The following ZNF287 variants were observed in gnomAD, a reference collection of about 807,000 sequenced individuals.
The protein encoded by ZNF287 is zinc finger protein 287.
A neutral mutation model predicts 73.7 loss-of-function variants in ZNF287; 31 were observed. The ratio of observed to expected loss-of-function variants is 0.42; its 90% CI spans 0.32 to 0.57. The LOEUF is 0.57. ZNF287 is among the 20% of genes least tolerant of loss of function. The pLI is 0.13. For missense variants in ZNF287, 641 were observed against 909.3 expected (o/e 0.70, Z 3.79); for synonymous variants, 301 against 307.2 (o/e 0.98, Z 0.21).
rs1906397193 is a variant in ZNF287 at position 16,548,227 on chromosome 17, G to GA, written c.*3628dup. ...TCAGTCCACAGATTAATTGCAATAG[G>GA]AAAAACTACCTTTATATTGGGAAGA... On this transcript the variant is annotated 3_prime_UTR_variant, in exon 6 of 6. Coordinates refer to ENST00000395825, the MANE Select transcript of ZNF287 (RefSeq NM_020653.4). Among the ~76,000 whole-genome samples the GA allele has an allele frequency of 6.6e-6, 1 of 152,122 alleles. No individual in the cohort carries two copies. Among genetic ancestry groups the GA allele is most frequent in the African/African-American group, 2.4e-5 (1 of 41,418 alleles).
intron 5 of ZNF287, among the ~76,000 whole-genome samples, chr17:16,556,050 G>A (rs1907039570): frequency 6.6e-6 from 1 of 151,832 alleles, no homozygotes; most frequent in African/African-American, 2.4e-5. Flanking sequence ...GGTAGGTCTA[G>A]TTTAAGGACT....
chr17:16,553,049 C>T lies in ZNF287; in HGVS notation c.1093G>A (p.Glu365Lys). 6.2e-7 allele frequency: 1 copy of T among 1,614,182 alleles called. No homozygotes were observed. The highest frequency in any genetic ancestry group is 8.5e-7 in the Non-Finnish European group (1 of 1,180,010). The change falls in exon 6 of 6, where the codon GAG becomes AAG. Residue 365 changes from glutamate (E) to lysine (K), a missense_variant. Around this residue, in one of 2 missense-constraint regions of ZNF287, gnomAD observed 357 missense variants for 442.4 expected, o/e 0.81. Coordinates refer to ENST00000395825, the MANE Select transcript of ZNF287 (RefSeq NM_020653.4). ...GIVHRKILPG[E>K]KPYKCNVCGK... ...CACACATTACACTTGTAAGGCTTCT[C>T]TCCAGGAAGTATTTTCCTATGTACA...
intron 5 of ZNF287, among the ~76,000 whole-genome samples, chr17:16,555,350 G>C (rs1906976673): frequency 6.6e-6 from 1 of 152,052 alleles, no homozygotes; most frequent in African/African-American, 2.4e-5. Flanking sequence ...CATACATGCA[G>C]TTTGTTGTTG....
chr17:16,568,084 G>A (rs372437847), intron 1 of ZNF287, 155 bp from the exon 2 acceptor site: 8 of 657,394 alleles, frequency 1.2e-5, no homozygotes, highest in African/African-American at 7.8e-5. Context: ...TAAGGGAACT[G>A]CCATCTGCTT....
chr17:16,565,460 A>G (rs1269510067), intron 3 of ZNF287, among the ~76,000 whole-genome samples: 2 of 151,474 alleles, frequency 1.3e-5, no homozygotes, highest in Non-Finnish European at 2.9e-5. Context: ...ATATATATGT[A>G]AGTGATTGAT....
chr17:16,563,772 C>T lies in ZNF287; in HGVS notation c.555G>A (p.Glu185=), dbSNP rs566642159. The change falls in exon 4 of 6, where the codon GAG becomes GAA. Residue 185 remains glutamate (E), a synonymous_variant. Transcript: ENST00000395825. ...ATTCCTTCTGCACAGGACGCATTAA[C>T]TCCCAGTCCTCCTGGGTGATGTCTA... is the stretch of plus-strand genomic sequence containing the variant. ...VAVDITQEDW[E]LMRPVQKELY... The T allele has an allele frequency of 8.7e-6, 14 of 1,614,036 alleles. No homozygotes were observed. The African/African-American group carries it at 1.1e-4, about 12-fold the overall frequency.
At chr17:16,565,457 TGTAA>T (rs1428634508) in intron 3 of ZNF287, among the ~76,000 whole-genome samples, 2 of 151,656 alleles carry the variant, frequency 1.3e-5, no homozygotes, top group Non-Finnish European at 2.9e-5. Context: ...AGTATATATA[TGTAA>T]GTGATTGATT....
intron 3 of ZNF287, 77 bp downstream of exon 3, chr17:16,566,448 A>T: frequency 1.7e-6 from 2 of 1,182,784 alleles, no homozygotes; most frequent in Non-Finnish European, 2.4e-6. Flanking sequence ...GGGGCACAGT[A>T]GTTATAGGGC....
In ZNF287 at chr17:16,552,933, T is replaced by C. The variant is rs751104829; in HGVS notation, c.1209A>G (p.Lys403=). The part of the protein sequence containing the change: ...EKSYECEECG[K]EFRHISSLIA... ...TAAGGGATGAGATATGCCTAAACTCTTTCCCACATTCTTCACATTCATACG... is the reference window on the plus strand; with the variant it reads ...TAAGGGATGAGATATGCCTAAACTCCTTCCCACATTCTTCACATTCATACG... Residue 403 remains lysine, a synonymous_variant, in exon 6 of 6, where the codon AAA becomes AAG. Coordinates refer to ENST00000395825, the MANE Select transcript of ZNF287 (RefSeq NM_020653.4). This position sits in a 1 kb window ranked among gnomAD's most constrained non-coding sequence, Gnocchi z 6.5. 1 of 1,614,080 alleles carries C rather than the reference T, an allele frequency of 6.2e-7. No individual in the cohort carries two copies. The highest frequency in any genetic ancestry group is 1.3e-5 in the African/African-American group (1 of 74,940).
chr17:16,549,463 CA>C lies in ZNF287; in HGVS notation c.*2392del, dbSNP rs1407220338. 2.0e-5 allele frequency among the ~76,000 whole-genome samples: 3 copies of C among 151,858 alleles called. No homozygotes were observed. Among genetic ancestry groups the C allele is most frequent in the Non-Finnish European group, 2.9e-5 (2 of 67,956 alleles). ...TGCTGTGTGAGGGATGAAGCAGCAT[CA>C]AAAAAATAAGATTTTCAAACAACTG... is the stretch of plus-strand genomic sequence containing the variant. On this transcript the variant is annotated 3_prime_UTR_variant, in exon 6 of 6. Coordinates refer to ENST00000395825, the MANE Select transcript of ZNF287 (RefSeq NM_020653.4).
Position 16,567,231 on chromosome 17 carries a change from G to A in ZNF287, c.403+98C>T, listed in dbSNP as rs565237086. 74 of 1,478,156 alleles carry A rather than the reference G, an allele frequency of 5.0e-5. No individual in the cohort carries two copies. In the African/African-American group the frequency reaches 9.6e-4, roughly 19 times the overall value. The allele number at this position is 1,478,156 out of a possible 1,614,324, so 91.6% of individuals were successfully genotyped here. ...TAAAAAATGCATCCTGGACCTCTCA[G>A]TGCTCTCCCTGATTTCTTTAAAGGA... On this transcript the variant is annotated intron_variant, in intron 2 of 5. Coordinates refer to ENST00000395825, the MANE Select transcript of ZNF287 (RefSeq NM_020653.4).
chr17:16,552,785 T>G lies in ZNF287; in HGVS notation c.1357A>C (p.Lys453Gln), dbSNP rs746197800. ...AAGTCTTTCCCACAGTCATCACACT[T>G]ATAGGGTTTCTCTCCAGTATGAATT... ...QRIHTGEKPYKCDDCGKDFSQ... is the reference protein window; with the variant it reads ...QRIHTGEKPYQCDDCGKDFSQ... The change falls in exon 6 of 6, where the codon AAG becomes CAG. Residue 453 changes from lysine (K) to glutamine (Q), a missense_variant. By Grantham distance (53) the Lys-to-Gln change is moderately conservative. Around this residue, in one of 2 missense-constraint regions of ZNF287, gnomAD observed 284 missense variants for 466.8 expected, o/e 0.61. Coordinates refer to ENST00000395825, the MANE Select transcript of ZNF287 (RefSeq NM_020653.4). This position sits in a 1 kb window ranked among gnomAD's most constrained non-coding sequence, Gnocchi z 6.5. 35 of 1,613,994 alleles carry G rather than the reference T, an allele frequency of 2.2e-5. 1 individual carries two copies. In the South Asian group the frequency reaches 2.4e-4, roughly 11 times the overall value.
rs1278644028 is a variant in ZNF287, at chr17:16,563,186, T to C, written c.675A>G (p.Pro225=). 1 of 1,613,770 alleles carries C rather than the reference T, an allele frequency of 6.2e-7. No homozygotes were observed. Among genetic ancestry groups the C allele is most frequent in the Non-Finnish European group, 8.5e-7 (1 of 1,179,862 alleles). ...RPTVIPILEE[P]WMVIKEILEG... ...CTAAAATTTCTTTTATCACCATCCA[T>C]GGTTCTTCCAATATGGGAATCACAG... The change falls in exon 5 of 6, where the codon CCA becomes CCG. Residue 225 remains proline, a synonymous_variant. Transcript: ENST00000395825.
At chr17:16,560,024 C>T (rs1597469397) in intron 5 of ZNF287, among the ~76,000 whole-genome samples, 3 of 151,748 alleles carry the variant, frequency 2.0e-5, no homozygotes, top group African/African-American at 4.8e-5. Flanking sequence ...ACAACCTTGG[C>T]TCACTGCAAT....
In ZNF287 at chr17:16,553,480, C is replaced by A. The variant is rs547696500; in HGVS notation, c.716-54G>T. On this transcript the variant is annotated intron_variant, in intron 5 of 5. Transcript: ENST00000395825. ...TCATTTATTTGGAGAAAGGAAACTGCCAAAATAGAAACAAAAGAATAAACA... is the reference window on the plus strand; with the variant it reads ...TCATTTATTTGGAGAAAGGAAACTGACAAAATAGAAACAAAAGAATAAACA... 933 of 1,313,226 alleles carry A rather than the reference C, an allele frequency of 7.1e-4. 20 individuals are homozygous for A. In the South Asian group the frequency reaches 0.017, roughly 23 times the overall value. The allele number at this position is 1,313,226 out of a possible 1,614,324, so 81.3% of individuals were successfully genotyped here. A position where few individuals can be genotyped will look rare whatever the true frequency, so the allele number is the denominator to read the frequency against.
intron 5 of ZNF287, chr17:16,558,186 A>G (rs996855663): frequency 2.0e-5 from 3 of 152,266 alleles, no homozygotes; most frequent in African/African-American, 7.2e-5. Flanking sequence ...ACTAAGGCAT[A>G]TAAGGCCATA....
In ZNF287 at chr17:16,569,101, C is replaced by G. The variant is rs1442162622; in HGVS notation, c.-348G>C. 2.6e-5 allele frequency: 4 copies of G among 152,524 alleles called. No individual in the cohort carries two copies. Among genetic ancestry groups the G allele is most frequent in the Non-Finnish European group, 4.4e-5 (3 of 68,270 alleles). 9.4% of individuals were successfully genotyped at this position (152,524 alleles called of 1,614,324 possible). On this transcript the variant is annotated 5_prime_UTR_variant, in exon 1 of 6. Transcript: ENST00000395825. ...CGCCACTTCCCTTCCCCGCAAAGCACAGAGTGTCCCGGCCAGGAGCTGCAC... is the reference window on the plus strand; with the variant it reads ...CGCCACTTCCCTTCCCCGCAAAGCAGAGAGTGTCCCGGCCAGGAGCTGCAC...
chr17:16,567,914 G>A lies in ZNF287; in HGVS notation c.-183C>T. On this transcript the variant is annotated 5_prime_UTR_variant, in exon 2 of 6. Transcript: ENST00000395825. ...CAAATTCTGAGCCCAGAACTTGCAGGGATGGATAAGAGACCCTGAAACACA... is the reference window on the plus strand; with the variant it reads ...CAAATTCTGAGCCCAGAACTTGCAGAGATGGATAAGAGACCCTGAAACACA... The A allele has an allele frequency of 7.0e-7, 1 of 1,422,710 alleles. No homozygotes were observed. Among genetic ancestry groups the A allele is most frequent in the Non-Finnish European group, 9.1e-7 (1 of 1,093,996 alleles). The allele number at this position is 1,422,710 out of a possible 1,614,324, so 88.1% of individuals were successfully genotyped here.
At chr17:16,559,801 G>A (rs1266322877) in intron 5 of ZNF287, among the ~76,000 whole-genome samples, 1 of 152,218 alleles carries the variant, frequency 6.6e-6, no homozygotes, top group Non-Finnish European at 1.5e-5. Context: ...AATGGTTGAA[G>A]ACAAATTGGG....
Sources: allele counts gnomAD v4.1 joint callset (sites outside exome capture counted in the v4.1 genomes callset), GRCh38; gene constraint gnomAD v4.1.1; regional missense constraint gnomAD v4.1.1; non-coding constraint Gnocchi (gnomAD v3.1); transcripts MANE v1.5; gene names NCBI Gene and HGNC (gene_info 2026-07-23, HGNC 2026-07-21).